Variants in PBX3 observed in about 807,000 individuals in gnomAD.
PBX3 encodes the protein PBX homeobox 3, also known as pre-B-cell leukemia transcription factor 3.
A neutral mutation model predicts 48.5 loss-of-function variants in PBX3; 14 were observed. The ratio of observed to expected loss-of-function variants is 0.29; its 90% CI spans 0.19 to 0.45. The LOEUF is 0.45. PBX3 is among the 20% of genes least tolerant of loss of function. PBX3 has a pLI of 1.00. For synonymous variants in PBX3, 210 were observed against 200.3 expected (o/e 1.05, Z -0.41); for missense variants, 386 against 546.7 (o/e 0.71, Z 2.93).
At chr9:125,749,915 G>A (rs1014355608) in intron 2 of PBX3, among the ~76,000 whole-genome samples, 1 of 152,112 alleles carries the variant, frequency 6.6e-6, no homozygotes, top group African/African-American at 2.4e-5. Flanking sequence ...ACTTTTCCTG[G>A]TTTTCATTCA....
At chr9:125,801,711 C>T (rs912814671) in intron 2 of PBX3, among the ~76,000 whole-genome samples, 35 of 151,744 alleles carry the variant, frequency 2.3e-4, no homozygotes, top group African/African-American at 7.8e-4. Context: ...CATTTCCCGT[C>T]ATAGCTTGCA....
chr9:125,806,498 G>T (rs1043840897), intron 2 of PBX3, among the ~76,000 whole-genome samples: 2 of 152,166 alleles, frequency 1.3e-5, no homozygotes, highest in African/African-American at 2.4e-5. Context: ...CATGCTGTCT[G>T]TTCACATGGT....
rs78773555 is a variant in PBX3 at position 125,835,517 on chromosome 9, T to C, written c.275-80169T>C. Among the ~76,000 whole-genome samples the C allele has an allele frequency of 4.6e-3, 698 of 151,892 alleles. 9 individuals are homozygous for C. The highest frequency in any genetic ancestry group is 0.016 in the African/African-American group (672 of 41,432). Reference sequence around the variant, plus strand: ...TATGTAAGGAACTCAAACAACTCTATAGCAGAAAAAAAAAATCTGATTTTA... The same window carrying C: ...TATGTAAGGAACTCAAACAACTCTACAGCAGAAAAAAAAAATCTGATTTTA... On this transcript the variant is annotated intron_variant, in intron 2 of 8. Coordinates refer to ENST00000373489, the MANE Select transcript of PBX3 (RefSeq NM_006195.6).
intron 2 of PBX3, among the ~76,000 whole-genome samples, chr9:125,914,547 GTCA>G (rs2132464057): frequency 6.6e-6 from 1 of 150,436 alleles, no homozygotes; most frequent in Admixed American, 6.7e-5. Context: ...TAGATGTTAT[GTCA>G]TGTAAGTTAC....
chr9:125,896,286 A>T (rs924301858), intron 2 of PBX3, among the ~76,000 whole-genome samples: 3 of 152,026 alleles, frequency 2.0e-5, no homozygotes, highest in African/African-American at 7.2e-5. Context: ...GAATAAAAAA[A>T]ACTAAGACAA....
At chr9:125,869,247 T>C (rs568689121) in intron 2 of PBX3, among the ~76,000 whole-genome samples, 69 of 151,928 alleles carry the variant, frequency 4.5e-4, no homozygotes, top group African/African-American at 1.5e-3. Context: ...AACAAAGAGA[T>C]AGAAATATGA....
chr9:125,793,963 A>G (rs1837698711), intron 2 of PBX3, among the ~76,000 whole-genome samples: 1 of 152,170 alleles, frequency 6.6e-6, no homozygotes, highest in South Asian at 2.1e-4. Context: ...AATGTTATAA[A>G]CTTCTGTGTA....
intron 2 of PBX3, among the ~76,000 whole-genome samples, chr9:125,811,019 ACTTCT>A (rs1416339688): frequency 6.6e-6 from 1 of 152,052 alleles, no homozygotes; most frequent in Admixed American, 6.6e-5. Flanking sequence ...TCTTTTATAA[ACTTCT>A]CTTCTGCTAA....
chr9:125,932,828 G>A (rs1266649174), intron 4 of PBX3, among the ~76,000 whole-genome samples: 1 of 152,200 alleles, frequency 6.6e-6, no homozygotes, highest in Non-Finnish European at 1.5e-5. Context: ...TGAAGAGAAA[G>A]TGTATTAACA....
In PBX3 at chr9:125,915,672, C is replaced by G. The variant is rs779639391; in HGVS notation, c.275-14C>G. The G allele has an allele frequency of 3.1e-6, 5 of 1,593,844 alleles. No homozygotes were observed. Among genetic ancestry groups the G allele is most frequent in the Middle Eastern group, 1.9e-4 (1 of 5,394 alleles). On this transcript the variant is annotated splice_polypyrimidine_tract_variant and intron_variant, in intron 2 of 8. Coordinates refer to ENST00000373489, the MANE Select transcript of PBX3 (RefSeq NM_006195.6). ...GCTTCTTCTCTCTCTGTCTCTCTCT[C>G]TCTTTCCTTGAAGGTCTCAGCATCA...
intron 2 of PBX3, among the ~76,000 whole-genome samples, chr9:125,785,332 A>G (rs193032083): frequency 4.1e-4 from 62 of 152,332 alleles, no homozygotes; most frequent in African/African-American, 1.3e-3. Context: ...GTGGGTGGGC[A>G]CCATTCAATC....
At chr9:125,868,857 T>C (rs895382043) in intron 2 of PBX3, among the ~76,000 whole-genome samples, 2 of 152,174 alleles carry the variant, frequency 1.3e-5, no homozygotes, top group Non-Finnish European at 2.9e-5. Flanking sequence ...TGCCTGTCTT[T>C]TCTGGAGGAA....
intron 4 of PBX3, among the ~76,000 whole-genome samples, chr9:125,930,909 A>G (rs1341314319): frequency 1.3e-5 from 2 of 151,384 alleles, no homozygotes; most frequent in African/African-American, 4.9e-5. Flanking sequence ...TCACATATAC[A>G]CTCCTTAACC....
At chr9:125,867,746 CTCTCTCTA>C (rs1250557014) in intron 2 of PBX3, among the ~76,000 whole-genome samples, 1 of 149,994 alleles carries the variant, frequency 6.7e-6, no homozygotes, top group Non-Finnish European at 1.5e-5. Flanking sequence ...CTGTCTCTCT[CTCTCTCTA>C]TATATATATA....
intron 2 of PBX3, among the ~76,000 whole-genome samples, chr9:125,799,143 TA>T (rs1241734363): frequency 1.3e-5 from 2 of 152,216 alleles, no homozygotes; most frequent in African/African-American, 4.8e-5. Context: ...ATGTTTCAGT[TA>T]TTTTTTTGTT....
At chr9:125,809,226 A>G (rs1588168408) in intron 2 of PBX3, among the ~76,000 whole-genome samples, 1 of 152,342 alleles carries the variant, frequency 6.6e-6, no homozygotes, top group South Asian at 2.1e-4. Context: ...TGTTCCTTGC[A>G]TATGCGTGAC....
chr9:125,921,335 T>C (rs1186365258), intron 3 of PBX3, among the ~76,000 whole-genome samples: 1 of 152,222 alleles, frequency 6.6e-6, no homozygotes, highest in Non-Finnish European at 1.5e-5. Flanking sequence ...TCTTTTTTTT[T>C]CAACTTCTTT....
chr9:125,775,858 A>G (rs1334431222), intron 2 of PBX3, among the ~76,000 whole-genome samples: 1 of 152,196 alleles, frequency 6.6e-6, no homozygotes, highest in Non-Finnish European at 1.5e-5. Flanking sequence ...CTTCCAATCC[A>G]TGAACATTGG....
intron 5 of PBX3, among the ~76,000 whole-genome samples, chr9:125,951,306 CA>C (rs1842190739): frequency 6.6e-6 from 1 of 152,108 alleles, no homozygotes. Flanking sequence ...AACAATAGCC[CA>C]GCAGGAGTGT....
Sources: allele counts gnomAD v4.1 joint callset (sites outside exome capture counted in the v4.1 genomes callset), GRCh38; gene constraint gnomAD v4.1.1; transcripts MANE v1.5; gene names NCBI Gene and HGNC (gene_info 2026-07-23, HGNC 2026-07-21).